RAP1GAP: variants seen among roughly 807,000 people sequenced by gnomAD.
RAP1GAP encodes rap1 GTPase-activating protein 1.
RAP1GAP carries 35 observed loss-of-function variants against 87.2 expected under a neutral mutation model. That is an observed-to-expected ratio of 0.40 (90% CI 0.31 to 0.53). The LOEUF (loss-of-function observed/expected upper bound fraction) is 0.53, where lower values mean the gene tolerates loss of function less well. Among genes scored for constraint, RAP1GAP ranks in the 20% least tolerant of loss-of-function variants. The pLI, the probability that RAP1GAP is intolerant of heterozygous loss-of-function variation, is 0.48. For missense variants in RAP1GAP, 734 were observed against 898.9 expected (o/e 0.82, Z 2.35); for synonymous variants, 375 against 363.9 (o/e 1.03, Z -0.35).
At chr1:21,662,110 G>A (rs2097174250) in intron 1 of RAP1GAP, among the ~76,000 whole-genome samples, 1 of 152,218 alleles carries the variant, frequency 6.6e-6, no homozygotes, top group African/African-American at 2.4e-5. Flanking sequence ...GCAGGGTGCA[G>A]CCCCAGAGCC....
chr1:21,606,163 G>A lies in RAP1GAP; in HGVS notation c.1331C>T (p.Ala444Val). 6.3e-7 allele frequency: 1 copy of A among 1,585,826 alleles called. No homozygotes were observed. The highest frequency in any genetic ancestry group is 8.6e-7 in the Non-Finnish European group (1 of 1,166,426). ...GGGCTTCTTGTTGCTCAGCCCCATG[G>A]CATCCATGGACTGGCTGCGGCTCCG... ...VIRSRSQSMD[A>V]MGLSNKKPNT... The change falls in exon 18 of 25, where the codon GCC becomes GTC. Residue 444 changes from alanine (A) to valine (V), a missense_variant. Coordinates refer to ENST00000374765, the MANE Select transcript of RAP1GAP (RefSeq NM_002885.4).
At chr1:21,619,959 G>GC (rs1320392656) in intron 4 of RAP1GAP, 56 bp downstream of exon 4, 45 of 1,595,140 alleles carry the variant, frequency 2.8e-5, no homozygotes, top group Non-Finnish European at 3.9e-5. Context: ...GGGCCCCCCA[G>GC]CCCCAGCCCA....
intron 3 of RAP1GAP, among the ~76,000 whole-genome samples, chr1:21,625,093 C>T (rs1448921318): frequency 6.6e-6 from 1 of 152,238 alleles, no homozygotes; most frequent in Non-Finnish European, 1.5e-5. Context: ...AAACAGGAGT[C>T]AGTCTCAGGA....
rs565048072 is a variant in RAP1GAP at position 21,623,824 on chromosome 1, C to A, written c.-19+2480G>T. Among the ~76,000 whole-genome samples the A allele has an allele frequency of 2.0e-5, 3 of 152,352 alleles. No individual in the cohort carries two copies. The South Asian group carries it at 6.2e-4, about 32-fold the overall frequency. ...CAGAGAAACATCCATTCCCACACTG[C>A]CCCCGGGGGAGGCGAGACCTGCTCA... On this transcript the variant is annotated intron_variant, in intron 3 of 24. Transcript: ENST00000374765.
At chr1:21,662,653 C>T (rs1055683071) in intron 1 of RAP1GAP, among the ~76,000 whole-genome samples, 4 of 152,092 alleles carry the variant, frequency 2.6e-5, no homozygotes, top group Admixed American at 2.6e-4. Flanking sequence ...CCCACCCCTG[C>T]TCCTGCCCCT....
intron 1 of RAP1GAP, among the ~76,000 whole-genome samples, chr1:21,658,338 C>G (rs1263248212): frequency 6.6e-6 from 1 of 151,544 alleles, no homozygotes; most frequent in African/African-American, 2.4e-5. Context: ...GAGGCTGAGG[C>G]GGGTAGATCA....
At chr1:21,602,962 TG>T (rs2070179630) in intron 18 of RAP1GAP, 49 bp from the exon 19 acceptor site, 1 of 1,351,218 alleles carries the variant, frequency 7.4e-7, no homozygotes. Context: ...GGAGCCCCAG[TG>T]CCCCCCCCAC....
chr1:21,627,958 G>A (rs946617397), intron 2 of RAP1GAP, among the ~76,000 whole-genome samples: 10 of 152,338 alleles, frequency 6.6e-5, no homozygotes, highest in South Asian at 2.1e-4. Flanking sequence ...GGCTAGGTGA[G>A]CTTGGGTTAG....
intron 19 of RAP1GAP, 90 bp downstream of exon 19, chr1:21,602,714 G>T: frequency 8.7e-7 from 1 of 1,148,264 alleles, no homozygotes; most frequent in Non-Finnish European, 1.2e-6. Context: ...AGAGGGGCGG[G>T]CACTCCCTTC....
At chr1:21,625,834 G>C (rs1238463601) in intron 3 of RAP1GAP, among the ~76,000 whole-genome samples, 2 of 152,130 alleles carry the variant, frequency 1.3e-5, no homozygotes, top group Non-Finnish European at 2.9e-5. Context: ...GCAGGTACTG[G>C]GCAAACGTTT....
At chr1:21,665,174 G>C (rs893533128) in intron 1 of RAP1GAP, 1 of 471,666 alleles carries the variant, frequency 2.1e-6, no homozygotes, top group Non-Finnish European at 4.3e-6. Flanking sequence ...CCACTTCCTA[G>C]ATCAAGAAAC....
Position 21,609,567 on chromosome 1 carries a change from C to A in RAP1GAP, c.1071+8G>T, listed in dbSNP as rs956753952. Reference sequence around the variant, plus strand: ...TGCTCTGCCCATGACTGGGGGGGTGCCCCTCACCTTCCTGAACACAGCGGG... The same window carrying A: ...TGCTCTGCCCATGACTGGGGGGGTGACCCTCACCTTCCTGAACACAGCGGG... On this transcript the variant is annotated splice_region_variant and intron_variant, in intron 15 of 24. Transcript: ENST00000374765. The surrounding 1 kb of genome is among the most constrained non-coding windows in gnomAD (Gnocchi z 4.4). 6.6e-7 allele frequency: 1 copy of A among 1,510,396 alleles called. No individual in the cohort carries two copies. The highest frequency in any genetic ancestry group is 8.9e-7 in the Non-Finnish European group (1 of 1,118,480). The allele number at this position is 1,510,396 out of a possible 1,614,324, so 93.6% of individuals were successfully genotyped here.
chr1:21,652,360 G>A (rs746368930), intron 1 of RAP1GAP, among the ~76,000 whole-genome samples: 3 of 152,180 alleles, frequency 2.0e-5, no homozygotes, highest in Non-Finnish European at 4.4e-5. Flanking sequence ...ATGAGTTCAC[G>A]CACGTAAAGC....
At chr1:21,625,303 A>C (rs1238146811) in intron 3 of RAP1GAP, among the ~76,000 whole-genome samples, 2 of 152,202 alleles carry the variant, frequency 1.3e-5, no homozygotes, top group African/African-American at 4.8e-5. Flanking sequence ...TGGGAAGACC[A>C]CTTTACTTCT....
chr1:21,640,176 T>G (rs1222339456), intron 2 of RAP1GAP, among the ~76,000 whole-genome samples: 1 of 151,036 alleles, frequency 6.6e-6, no homozygotes, highest in Non-Finnish European at 1.5e-5. Context: ...CTGCACACGC[T>G]GTGCCCCCTG....
rs1296934728 is a variant in RAP1GAP at position 21,603,599 on chromosome 1, CA to C, written c.1429-687del. 1.5e-6 allele frequency: 1 copy of C among 687,300 alleles called. No individual in the cohort carries two copies. 42.6% of individuals were successfully genotyped at this position (687,300 alleles called of 1,614,324 possible). On this transcript the variant is annotated intron_variant, in intron 18 of 24. Transcript: ENST00000374765. The surrounding 1 kb of genome is among the most constrained non-coding windows in gnomAD (Gnocchi z 6.0). Reference sequence around the variant, plus strand: ...CCTGGCAGGGACTGGGCCAGGGTCCCAGGGGCCAAGGCAGGGCCAGAAGCCC... The same window carrying C: ...CCTGGCAGGGACTGGGCCAGGGTCCCGGGGCCAAGGCAGGGCCAGAAGCCC...
intron 2 of RAP1GAP, among the ~76,000 whole-genome samples, chr1:21,633,003 T>G (rs1284224448): frequency 6.6e-6 from 1 of 152,304 alleles, no homozygotes; most frequent in East Asian, 1.9e-4. Flanking sequence ...AGGGTGATTC[T>G]CAACTGTTAA....
At position 21,622,426 on chromosome 1, in the gene RAP1GAP, CCGGCCCGGCCCCCGCCGGGGCGGCACTT is replaced by C. The variant is rs2088846048; in HGVS notation, c.-18-2404_-18-2377del. ...GCAGCTGTGCCATCCTGAGCGCGGC[CCGGCCCGGCCCCCGCCGGGGCGGCACTT>C]CAGCTGGCCCAGCCGGCTCCTGGCC... On this transcript the variant is annotated intron_variant, in intron 3 of 24. Transcript: ENST00000374765. The surrounding 1 kb of genome is among the most constrained non-coding windows in gnomAD (Gnocchi z 5.7). 3.4e-6 allele frequency: 1 copy of C among 295,972 alleles called. No homozygotes were observed. Among genetic ancestry groups the C allele is most frequent in the Admixed American group, 5.2e-5 (1 of 19,070 alleles). 18.3% of individuals were successfully genotyped at this position (295,972 alleles called of 1,614,324 possible). A position where few individuals can be genotyped will look rare whatever the true frequency, so the allele number is the denominator to read the frequency against.
In RAP1GAP at chr1:21,609,538, G is replaced by T. The variant is rs186272327; in HGVS notation, c.1071+37C>A. ...GCACCCCCCAGGCCCCCACCCATTT[G>T]TCCTGCTCTGCCCATGACTGGGGGG... On this transcript the variant is annotated intron_variant, in intron 15 of 24. Transcript: ENST00000374765. The surrounding 1 kb of genome is among the most constrained non-coding windows in gnomAD (Gnocchi z 4.4). 2 of 1,294,536 alleles carry T rather than the reference G, an allele frequency of 1.5e-6. No homozygotes were observed. The highest frequency in any genetic ancestry group is 2.1e-6 in the Non-Finnish European group (2 of 948,142). 80.2% of individuals were successfully genotyped at this position (1,294,536 alleles called of 1,614,324 possible).
Sources: gnomAD v4.1 joint callset for allele counts (sites outside exome capture counted in the v4.1 genomes callset) on GRCh38, gnomAD v4.1.1 for gene constraint, Gnocchi (gnomAD v3.1) non-coding constraint, MANE v1.5 for transcripts, NCBI Gene and HGNC (gene_info 2026-07-23, HGNC 2026-07-21) for gene names.